The following DACH2 variants were observed in gnomAD, a reference collection of about 807,000 sequenced individuals.
DACH2 encodes dachshund homolog 2.
DACH2 carries 17 observed loss-of-function variants against 35.8 expected under a neutral mutation model. The ratio of observed to expected loss-of-function variants is 0.48; its 90% CI spans 0.33 to 0.71. DACH2 has a LOEUF of 0.71. Ranked by LOEUF, DACH2 falls within the 30% of genes least tolerant of loss-of-function variation. DACH2 has a pLI of 0.02. For missense variants in DACH2, 469 were observed against 472.7 expected (o/e 0.99, Z 0.07); for synonymous variants, 195 against 177.3 (o/e 1.10, Z -0.79).
intron 1 of DACH2, among the ~76,000 whole-genome samples, chrX:86,159,656 G>C (rs937135936): frequency 1.8e-5 from 2 of 111,702 alleles, no homozygotes; most frequent in Admixed American, 9.5e-5. Context: ...TATGTGCAAG[G>C]CTCCTTATCA....
chrX:86,246,881 G>A lies in DACH2; in HGVS notation c.488+97773G>A, dbSNP rs575308299. Among the ~76,000 whole-genome samples, 97 of 111,517 alleles carry A rather than the reference G, an allele frequency of 8.7e-4. 2 individuals carry two copies. The highest frequency in any genetic ancestry group is 3.0e-3 in the African/African-American group (92 of 30,754). On this transcript the variant is annotated intron_variant, in intron 1 of 11. Transcript: ENST00000373125. The stretch of plus-strand genomic sequence containing the variant: ...ACACCCTACTTAAAAGGCTTAGAGT[G>A]GTAAGTTGGATAAAGAGGCAAGACC...
At chrX:86,315,279 T>C (rs1342184157) in intron 1 of DACH2, among the ~76,000 whole-genome samples, 2 of 112,198 alleles carry the variant, frequency 1.8e-5, no homozygotes, top group African/African-American at 6.5e-5. Context: ...TTACTGAATA[T>C]TTTAAGCCCG....
At chrX:86,218,637 G>A (rs775296889) in intron 1 of DACH2, among the ~76,000 whole-genome samples, 6 of 111,713 alleles carry the variant, frequency 5.4e-5, no homozygotes, top group Non-Finnish European at 1.1e-4. Context: ...ACAATTCTGT[G>A]GATTACAAAC....
chrX:86,727,321 G>A (rs1197647548), intron 6 of DACH2, among the ~76,000 whole-genome samples: 1 of 111,597 alleles, frequency 9.0e-6, no homozygotes, highest in Admixed American at 9.5e-5. Context: ...GAAAGATGCA[G>A]TATGAGACTA....
chrX:86,207,008 G>C (rs1602285386), intron 1 of DACH2, among the ~76,000 whole-genome samples: 1 of 111,572 alleles, frequency 9.0e-6, no homozygotes, highest in Non-Finnish European at 1.9e-5. Flanking sequence ...TTCAAACTTA[G>C]GAGAACATTA....
chrX:86,815,856 T>A (rs1201377420), intron 10 of DACH2, among the ~76,000 whole-genome samples, 178 bp from the exon 11 acceptor site: 1 of 109,681 alleles, frequency 9.1e-6, no homozygotes, highest in Non-Finnish European at 1.9e-5. Flanking sequence ...AAAATTCAGC[T>A]GCAGTTTATA....
intron 6 of DACH2, among the ~76,000 whole-genome samples, chrX:86,722,427 C>T (rs2041417378): frequency 9.0e-6 from 1 of 111,616 alleles, no homozygotes; most frequent in African/African-American, 3.3e-5. Flanking sequence ...TAGCTCACTG[C>T]AGCTGCAAAC....
chrX:86,411,127 A>C (rs945620915), intron 2 of DACH2, among the ~76,000 whole-genome samples: 3 of 101,893 alleles, frequency 2.9e-5, no homozygotes, highest in Non-Finnish European at 4.0e-5. Flanking sequence ...CTGAGCAAGG[A>C]GAGCCAGTCC....
At chrX:86,614,872 A>G (rs1448003125) in intron 3 of DACH2, among the ~76,000 whole-genome samples, 1 of 112,019 alleles carries the variant, frequency 8.9e-6, no homozygotes, top group Non-Finnish European at 1.9e-5. Context: ...GAAAAATTAT[A>G]GAAGATTTTC....
chrX:86,293,874 A>T (rs1223748814), intron 1 of DACH2, among the ~76,000 whole-genome samples: 3 of 109,645 alleles, frequency 2.7e-5, no homozygotes, highest in Admixed American at 9.8e-5. Context: ...CTTCATTTCA[A>T]CTTTGGTGAA....
chrX:86,460,453 C>T (rs904569686), intron 2 of DACH2, among the ~76,000 whole-genome samples: 5 of 110,532 alleles, frequency 4.5e-5, no homozygotes, highest in Admixed American at 9.7e-5. Flanking sequence ...TTTGATTACA[C>T]TACAGGTCAA....
intron 2 of DACH2, chrX:86,481,076 G>C (rs1190673531): frequency 8.9e-6 from 1 of 111,983 alleles, no homozygotes; most frequent in Non-Finnish European, 1.9e-5. Context: ...TACAGAGAAA[G>C]ATTAGTATGT....
At chrX:86,446,288 C>CTTTTTT (rs753958102) in intron 2 of DACH2, among the ~76,000 whole-genome samples, 13 of 78,067 alleles carry the variant, frequency 1.7e-4, no homozygotes, top group East Asian at 4.4e-4. Flanking sequence ...AGTCTTGTTT[C>CTTTTTT]TTTTTTTTTT....
At chrX:86,218,836 G>A (rs1323336923) in intron 1 of DACH2, among the ~76,000 whole-genome samples, 1 of 111,542 alleles carries the variant, frequency 9.0e-6, no homozygotes, top group Non-Finnish European at 1.9e-5. Flanking sequence ...TATGCTTAAA[G>A]GGAATACTTC....
At chrX:86,698,656 C>T (rs1191705870) in intron 5 of DACH2, among the ~76,000 whole-genome samples, 3 of 104,191 alleles carry the variant, frequency 2.9e-5, no homozygotes, top group Non-Finnish European at 5.9e-5. Flanking sequence ...CCCCCTCCAT[C>T]CCCCAGTAGC....
intron 1 of DACH2, among the ~76,000 whole-genome samples, chrX:86,227,540 GC>G (rs954653667): frequency 9.0e-6 from 1 of 110,887 alleles, no homozygotes; most frequent in African/African-American, 3.3e-5. Flanking sequence ...CCATGAGCTA[GC>G]TTGTTTCTTG....
At chrX:86,399,843 C>A (rs189404535) in intron 2 of DACH2, among the ~76,000 whole-genome samples, 1 of 111,498 alleles carries the variant, frequency 9.0e-6, no homozygotes, top group African/African-American at 3.3e-5. Context: ...TTTGGTGAAT[C>A]TGACAATTAT....
At chrX:86,667,592 GAAAGAAAGAAAGAAAGAAA>G (rs1569463729) in intron 4 of DACH2, among the ~76,000 whole-genome samples, 31 of 104,193 alleles carry the variant, frequency 3.0e-4, no homozygotes, top group African/African-American at 1.1e-3. Context: ...AAGAAAGAAA[GAAAGAAAGAAAGAAAGAAA>G]GAAAGGCAGG....
At chrX:86,683,114 C>T (rs1014364260) in intron 4 of DACH2, among the ~76,000 whole-genome samples, 1 of 110,559 alleles carries the variant, frequency 9.0e-6, no homozygotes, top group African/African-American at 3.3e-5. Flanking sequence ...CTTTCATGTT[C>T]GTGTTGTATG....
Sources: allele counts gnomAD v4.1 joint callset (sites outside exome capture counted in the v4.1 genomes callset), GRCh38; gene constraint gnomAD v4.1.1; transcripts MANE v1.5; gene names NCBI Gene and HGNC (gene_info 2026-07-23, HGNC 2026-07-21).